SLCO1A2: variants seen among roughly 807,000 people sequenced by gnomAD.
The protein encoded by SLCO1A2 is OATP-1.
In SLCO1A2, 67 loss-of-function variants were observed where a neutral mutation model predicts 69.0. The ratio of observed to expected loss-of-function variants is 0.97; its 90% CI spans 0.80 to 1.19. SLCO1A2 has a LOEUF of 1.19. Ranked by LOEUF, SLCO1A2 falls within the 50% of genes most tolerant of loss-of-function variation. The pLI, the probability that SLCO1A2 is intolerant of heterozygous loss-of-function variation, is 0.00. For synonymous variants in SLCO1A2, 260 were observed against 265.9 expected, an observed-to-expected ratio of 0.98 and a Z score of 0.22; for missense variants, 787 against 793.7, an observed-to-expected ratio of 0.99 and a Z score of 0.10.
Position 21,304,456 on chromosome 12 carries a change from G to A in SLCO1A2, c.560C>T (p.Ala187Val). ...ATATAAAGGAGAATTTTCAAATTTG[G>A]CAAAATCTTCTATATAGGAAATACC... ...PLGISYIEDF[A>V]KFENSPLYIG... The change falls in exon 6 of 15, where the codon GCC becomes GTC. Residue 187 changes from alanine (A) to valine (V), a missense_variant. Coordinates refer to ENST00000683939, the MANE Select transcript of SLCO1A2 (RefSeq NM_001386879.1). 6.2e-7 allele frequency: 1 copy of A among 1,611,588 alleles called. No homozygotes were observed. Among genetic ancestry groups the A allele is most frequent in the Non-Finnish European group, 8.5e-7 (1 of 1,178,130 alleles).
chr12:21,301,270 C>T lies in SLCO1A2; in HGVS notation c.590-1G>A, dbSNP rs41275204. On this transcript the variant is annotated splice_acceptor_variant, in intron 6 of 14. Transcript: ENST00000683939. LOFTEE classifies it high-confidence loss of function. Reference sequence around the variant, plus strand: ...ATAATAGCTCCTGTTTCTACAAGCCCTAAAAATAAATAAAAGTATAAGGTT... The same window carrying T: ...ATAATAGCTCCTGTTTCTACAAGCCTTAAAAATAAATAAAAGTATAAGGTT... 1.9e-6 allele frequency: 3 copies of T among 1,603,766 alleles called. No homozygotes were observed. The highest frequency in any genetic ancestry group is 1.7e-6 in the Non-Finnish European group (2 of 1,173,328).
intron 2 of SLCO1A2, among the ~76,000 whole-genome samples, chr12:21,359,175 A>G (rs1474649103): frequency 1.3e-5 from 2 of 152,176 alleles, no homozygotes; most frequent in Non-Finnish European, 2.9e-5. Context: ...GACTTTAAGA[A>G]AGACCATCCC....
chr12:21,296,047 G>C (rs1345038697), intron 9 of SLCO1A2, among the ~76,000 whole-genome samples: 1 of 152,132 alleles, frequency 6.6e-6, no homozygotes, highest in African/African-American at 2.4e-5. Flanking sequence ...GCAGTAGCTT[G>C]TGAATTTCTT....
rs1305136275 is a variant in SLCO1A2, at chr12:21,395,393, T to C, written c.-677A>G. The stretch of plus-strand genomic sequence containing the variant: ...TCCTACGCCCATGGAGTCTCGCTGA[T>C]TGCTAGCACAGCAGTCTGAGATCAA... On this transcript the variant is annotated 5_prime_UTR_variant, in exon 1 of 16. Transcript: ENST00000307378. The C allele has an allele frequency of 3.3e-5, 5 of 153,120 alleles. 1 individual carries two copies. The South Asian group carries it at 6.2e-4, about 19-fold the overall frequency. 9.5% of individuals were successfully genotyped at this position (153,120 alleles called of 1,614,324 possible).
At chr12:21,316,167 C>T (rs1950837736) in intron 3 of SLCO1A2, among the ~76,000 whole-genome samples, 1 of 152,190 alleles carries the variant, frequency 6.6e-6, no homozygotes, top group Admixed American at 6.5e-5. Flanking sequence ...TTACCACGTT[C>T]CTTCAGTTTG....
At chr12:21,346,555 G>C (rs1003777709) in intron 2 of SLCO1A2, among the ~76,000 whole-genome samples, 3 of 152,054 alleles carry the variant, frequency 2.0e-5, no homozygotes, top group Non-Finnish European at 4.4e-5. Flanking sequence ...CAATGACTAG[G>C]AAAATGACTT....
At chr12:21,333,021 T>C (rs1171452547) in intron 2 of SLCO1A2, among the ~76,000 whole-genome samples, 4 of 152,092 alleles carry the variant, frequency 2.6e-5, no homozygotes, top group Non-Finnish European at 5.9e-5. Flanking sequence ...TGGCCATATC[T>C]CTAGCTATTT....
At chr12:21,376,899 T>A (rs1940237433) in intron 1 of SLCO1A2, among the ~76,000 whole-genome samples, 1 of 152,088 alleles carries the variant, frequency 6.6e-6, no homozygotes, top group African/African-American at 2.4e-5. Context: ...TCTATGGAGC[T>A]GAAAACTAAA....
rs140972035 is a variant in SLCO1A2, at chr12:21,348,005, G to A, written c.-62-13296C>T. Among the ~76,000 whole-genome samples, 180 of 152,270 alleles carry A rather than the reference G, an allele frequency of 1.2e-3. 1 individual carries two copies. Among genetic ancestry groups the A allele is most frequent in the Non-Finnish European group, 2.2e-3 (150 of 68,024 alleles). On this transcript the variant is annotated intron_variant, in intron 2 of 15. Transcript: ENST00000307378. ...TGTGCTATGCTTTCTTCATCAGGAA[G>A]TCCAATGAACTTTAGTGTTGCTAAA...
rs903508902 is a variant in SLCO1A2 at position 21,289,754 on chromosome 12, A to G, written c.1610+2410T>C. Reference sequence around the variant, plus strand: ...CGTTTGTCAGTCAGAAGCCCAGGGTAAAAAAAAAAAAAAGCAGCCCAGGGT... The same window carrying G: ...CGTTTGTCAGTCAGAAGCCCAGGGTGAAAAAAAAAAAAAGCAGCCCAGGGT... On this transcript the variant is annotated intron_variant, in intron 12 of 14. Transcript: ENST00000683939. Among the ~76,000 whole-genome samples the G allele has an allele frequency of 7.0e-5, 5 of 71,254 alleles. No individual in the cohort carries two copies. The South Asian group carries it at 1.6e-3, about 23-fold the overall frequency. The allele number at this position is 71,254 out of a possible 152,430, so 46.7% of individuals were successfully genotyped here. A position where few individuals can be genotyped will look rare whatever the true frequency, so the allele number is the denominator to read the frequency against.
At chr12:21,364,992 A>G (rs916953113) in intron 2 of SLCO1A2, among the ~76,000 whole-genome samples, 7 of 152,210 alleles carry the variant, frequency 4.6e-5, no homozygotes, top group Non-Finnish European at 7.3e-5. Flanking sequence ...TATAGATTCA[A>G]TGCCATCCCC....
intron 2 of SLCO1A2, among the ~76,000 whole-genome samples, chr12:21,350,000 G>T (rs1937800081): frequency 6.6e-6 from 1 of 152,146 alleles, no homozygotes; most frequent in South Asian, 2.1e-4. Flanking sequence ...CTGGAACAGA[G>T]GAGATGCATA....
At chr12:21,416,250 A>T (rs1941985813) in intron 1 of SLCO1A2, among the ~76,000 whole-genome samples, 1 of 151,946 alleles carries the variant, frequency 6.6e-6, no homozygotes. Context: ...AATATTGGCT[A>T]ATCTGTCAGG....
At chr12:21,342,089 T>C (rs1953089402) in intron 2 of SLCO1A2, among the ~76,000 whole-genome samples, 3 of 152,052 alleles carry the variant, frequency 2.0e-5, no homozygotes. Flanking sequence ...ATATGCTGTT[T>C]TATTTCTACC....
chr12:21,318,123 C>A (rs530568729), intron 3 of SLCO1A2, among the ~76,000 whole-genome samples: 1 of 139,602 alleles, frequency 7.2e-6, no homozygotes, highest in African/African-American at 2.7e-5. Flanking sequence ...GGTCTTCTAC[C>A]TTTTCTTTTT....
chr12:21,290,490 G>A (rs1591798610), intron 12 of SLCO1A2, among the ~76,000 whole-genome samples: 1 of 152,038 alleles, frequency 6.6e-6, no homozygotes, highest in South Asian at 2.1e-4. Context: ...AGCAGAATAA[G>A]GATGAAAAAT....
chr12:21,349,858 C>T (rs1029365839), intron 2 of SLCO1A2, among the ~76,000 whole-genome samples: 1 of 152,096 alleles, frequency 6.6e-6, no homozygotes, highest in East Asian at 1.9e-4. Context: ...GGAACATAAC[C>T]TTAAATGCTC....
chr12:21,293,964 A>G lies in SLCO1A2; in HGVS notation c.1418T>C (p.Ile473Thr), dbSNP rs749301895. The change falls in exon 11 of 15, where the codon ATT (isoleucine) becomes ACT (threonine). Residue 473 changes from isoleucine to threonine, a missense_variant. Physicochemically the swap from Ile to Thr is moderately conservative, Grantham distance 89. Coordinates refer to ENST00000683939, the MANE Select transcript of SLCO1A2 (RefSeq NM_001386879.1). The part of the protein sequence containing the change: ...SACLAGCETS[I>T]GTGINMVFQN... ...TCTTACCATGTTTATTCCCGTTCCA[A>G]TGGATGTCTCACAACCAGCAAGACA... 1 of 1,609,844 alleles carries G rather than the reference A, an allele frequency of 6.2e-7. No homozygotes were observed. Among genetic ancestry groups the G allele is most frequent in the Non-Finnish European group, 8.5e-7 (1 of 1,178,402 alleles).
intron 1 of SLCO1A2, among the ~76,000 whole-genome samples, chr12:21,381,860 T>C (rs1054523996): frequency 6.6e-5 from 10 of 152,132 alleles, no homozygotes; most frequent in African/African-American, 2.4e-4. Context: ...GAAAAAGAAA[T>C]GCTTACACAA....
Sources: allele counts gnomAD v4.1 joint callset (sites outside exome capture counted in the v4.1 genomes callset), GRCh38; gene constraint gnomAD v4.1.1; transcripts MANE v1.5; gene names NCBI Gene and HGNC (gene_info 2026-07-23, HGNC 2026-07-21).